The following ULK4 variants were observed in gnomAD, a reference collection of about 807,000 sequenced individuals.
ULK4 encodes unc-51 like kinase 4.
ULK4 carries 133 observed loss-of-function variants against 160.6 expected under a neutral mutation model. That is an observed-to-expected ratio of 0.83 (90% CI 0.72 to 0.96). ULK4 has a LOEUF of 0.96. Ranked by LOEUF, ULK4 falls within the 40% of genes least tolerant of loss-of-function variation. The pLI is 0.00. For missense variants in ULK4, 1,580 were observed against 1,499.5 expected, an observed-to-expected ratio of 1.05 and a Z score of -0.89; for synonymous variants, 534 against 539.8, an observed-to-expected ratio of 0.99 and a Z score of 0.15.
chr3:41,547,791 G>A (rs2086914869), intron 32 of ULK4, among the ~76,000 whole-genome samples: 1 of 152,196 alleles, frequency 6.6e-6, no homozygotes, highest in Admixed American at 6.5e-5. Flanking sequence ...GCAATGCAAT[G>A]CCAGCTGGAA....
intron 5 of ULK4, among the ~76,000 whole-genome samples, chr3:41,930,040 A>T (rs1207254287): frequency 6.6e-6 from 1 of 152,202 alleles, no homozygotes; most frequent in African/African-American, 2.4e-5. Context: ...GACTATCCTA[A>T]GCAAAAAGAA....
intron 2 of ULK4, among the ~76,000 whole-genome samples, chr3:41,940,494 T>TA (rs977156293): frequency 1.4e-4 from 21 of 148,030 alleles, no homozygotes; most frequent in East Asian, 3.9e-4. Context: ...TCATCTTCAC[T>TA]AAAAAAAAAA....
intron 30 of ULK4, among the ~76,000 whole-genome samples, chr3:41,628,601 C>T (rs1359378440): frequency 6.6e-6 from 1 of 152,190 alleles, no homozygotes; most frequent in Non-Finnish European, 1.5e-5. Flanking sequence ...GGCTGAGGAA[C>T]TGTTCCAGAC....
At chr3:41,841,124 C>T (rs1235882950) in intron 17 of ULK4, among the ~76,000 whole-genome samples, 8 of 149,994 alleles carry the variant, frequency 5.3e-5, no homozygotes, top group Admixed American at 3.3e-4. Context: ...AGGTGAGGAG[C>T]GCCTCTGCTC....
At chr3:41,261,299 C>A (rs2078936666) in intron 35 of ULK4, among the ~76,000 whole-genome samples, 1 of 152,134 alleles carries the variant, frequency 6.6e-6, no homozygotes, top group Non-Finnish European at 1.5e-5. Context: ...ATATAATTTT[C>A]TTTTTGACAA....
chr3:41,613,328 G>C (rs564279103), intron 31 of ULK4, among the ~76,000 whole-genome samples: 1 of 151,946 alleles, frequency 6.6e-6, no homozygotes, highest in Non-Finnish European at 1.5e-5. Context: ...TCTTTTTATT[G>C]AAAGAGCTCT....
chr3:41,480,545 G>A lies in ULK4; in HGVS notation c.3227-17292C>T, dbSNP rs75143654. ...TGAAAATAAAAATGAAGACCTTTAC[G>A]GTGATCCACTTCTACTTAACAAATA... On this transcript the variant is annotated intron_variant, in intron 32 of 36. Coordinates refer to ENST00000301831, the MANE Select transcript of ULK4 (RefSeq NM_017886.4). Among the ~76,000 whole-genome samples the A allele has an allele frequency of 8.2e-4, 125 of 151,968 alleles. 1 individual carries two copies. Among genetic ancestry groups the A allele is most frequent in the African/African-American group, 2.6e-3 (109 of 41,448 alleles).
chr3:41,323,600 C>A (rs918500181), intron 35 of ULK4, among the ~76,000 whole-genome samples: 1 of 152,086 alleles, frequency 6.6e-6, no homozygotes, highest in Non-Finnish European at 1.5e-5. Flanking sequence ...AAAGCAAATT[C>A]TTTACCAGCT....
At chr3:41,931,469 T>TTAAA (rs199867486) in intron 5 of ULK4, among the ~76,000 whole-genome samples, 990 of 9,474 alleles carry the variant, frequency 0.1, 14 homozygotes, top group Middle Eastern at 0.17. Flanking sequence ...ACCCTAGAAC[T>TTAAA]TAAAAAAAAA....
intron 33 of ULK4, among the ~76,000 whole-genome samples, chr3:41,458,556 A>T (rs1439365655): frequency 6.6e-6 from 1 of 152,122 alleles, no homozygotes; most frequent in African/African-American, 2.4e-5. Context: ...ATAGCAATAC[A>T]GCATTACCTA....
intron 32 of ULK4, among the ~76,000 whole-genome samples, chr3:41,548,076 T>C (rs2086926384): frequency 6.6e-6 from 1 of 152,110 alleles, no homozygotes; most frequent in South Asian, 2.1e-4. Flanking sequence ...AACCCAGGAC[T>C]TGAGGATGGG....
intron 16 of ULK4, among the ~76,000 whole-genome samples, chr3:41,891,543 A>G (rs1305484374): frequency 6.6e-6 from 1 of 152,058 alleles, no homozygotes; most frequent in Non-Finnish European, 1.5e-5. Flanking sequence ...AGTTAGTACA[A>G]GGAAGAGAGC....
At chr3:41,887,095 T>C (rs1697751330) in intron 16 of ULK4, among the ~76,000 whole-genome samples, 1 of 152,186 alleles carries the variant, frequency 6.6e-6, no homozygotes, top group South Asian at 2.1e-4. Context: ...TCTTACTCAG[T>C]GGGAGTCTGT....
chr3:41,910,380 G>A (rs912082790), intron 11 of ULK4, among the ~76,000 whole-genome samples: 1 of 152,108 alleles, frequency 6.6e-6, no homozygotes, highest in African/African-American at 2.4e-5. Context: ...GATCACCTAA[G>A]GTCAGGAGTT....
intron 21 of ULK4, among the ~76,000 whole-genome samples, chr3:41,762,448 A>C (rs956241340): frequency 6.6e-6 from 1 of 152,146 alleles, no homozygotes; most frequent in Non-Finnish European, 1.5e-5. Flanking sequence ...CAGTGAAAAC[A>C]CTATTGTATT....
At chr3:41,561,008 A>C (rs1457091676) in intron 32 of ULK4, among the ~76,000 whole-genome samples, 2 of 152,132 alleles carry the variant, frequency 1.3e-5, no homozygotes, top group Non-Finnish European at 2.9e-5. Context: ...GTATGTCATA[A>C]ATAGCTCTTC....
chr3:41,805,181 C>T (rs1029823990), intron 19 of ULK4, among the ~76,000 whole-genome samples: 6 of 152,266 alleles, frequency 3.9e-5, no homozygotes, highest in Middle Eastern at 3.4e-3. Flanking sequence ...TCTAGTTCTC[C>T]TTGAAGAGGT....
At chr3:41,305,624 C>G (rs995592450) in intron 35 of ULK4, among the ~76,000 whole-genome samples, 4 of 152,168 alleles carry the variant, frequency 2.6e-5, no homozygotes, top group Admixed American at 6.5e-5. Flanking sequence ...GAGACTGCAG[C>G]CTCTGCCCGG....
At chr3:41,738,484 C>G (rs1287919936) in intron 22 of ULK4, among the ~76,000 whole-genome samples, 1 of 151,948 alleles carries the variant, frequency 6.6e-6, no homozygotes, top group Non-Finnish European at 1.5e-5. Context: ...TCTGGGACAT[C>G]TTGACATCCC....
Sources: gnomAD v4.1 joint callset for allele counts (sites outside exome capture counted in the v4.1 genomes callset) on GRCh38, gnomAD v4.1.1 for gene constraint, MANE v1.5 for transcripts, NCBI Gene and HGNC (gene_info 2026-07-23, HGNC 2026-07-21) for gene names.